Variants in SH3RF1 observed in about 807,000 individuals in gnomAD.
The protein encoded by SH3RF1 is SH3 domain containing ring finger 1.
SH3RF1 carries 32 observed loss-of-function variants against 74.0 expected under a neutral mutation model. The observed-to-expected ratio is 0.43, with a 90% CI of 0.33 to 0.58. The LOEUF (loss-of-function observed/expected upper bound fraction) is 0.58, where lower values mean the gene tolerates loss of function less well. Ranked by LOEUF, SH3RF1 falls within the 20% of genes least tolerant of loss-of-function variation. SH3RF1 has a pLI of 0.05. For synonymous variants in SH3RF1, 396 were observed against 439.6 expected, an observed-to-expected ratio of 0.90 and a Z score of 1.24; for missense variants, 954 against 1,130.9, an observed-to-expected ratio of 0.84 and a Z score of 2.24.
At chr4:169,230,705 A>T (rs1392449347) in intron 2 of SH3RF1, among the ~76,000 whole-genome samples, 1 of 152,048 alleles carries the variant, frequency 6.6e-6, no homozygotes, top group Non-Finnish European at 1.5e-5. Flanking sequence ...CTAAAAATAC[A>T]CAAATTAGCT....
At chr4:169,250,480 C>G (rs909609651) in intron 2 of SH3RF1, among the ~76,000 whole-genome samples, 3 of 152,172 alleles carry the variant, frequency 2.0e-5, no homozygotes, top group African/African-American at 4.8e-5. Flanking sequence ...AACAGTCATT[C>G]TCCTATTTGC....
chr4:169,131,642 A>C (rs535482241), intron 5 of SH3RF1, among the ~76,000 whole-genome samples: 1 of 152,340 alleles, frequency 6.6e-6, no homozygotes, highest in South Asian at 2.1e-4. Context: ...GAAAACCTTA[A>C]CTTTCCACGC....
chr4:169,175,866 G>A (rs181152487), intron 2 of SH3RF1, among the ~76,000 whole-genome samples: 3 of 152,292 alleles, frequency 2.0e-5, no homozygotes, highest in African/African-American at 7.2e-5. Flanking sequence ...TAACCAGTGC[G>A]AGAGTATTTG....
At chr4:169,114,483 C>T (rs1006809475) in intron 10 of SH3RF1, among the ~76,000 whole-genome samples, 1 of 152,044 alleles carries the variant, frequency 6.6e-6, no homozygotes, top group African/African-American at 2.4e-5. Flanking sequence ...TTAAAAGTTC[C>T]AGGGATCAGG....
At chr4:169,212,933 T>C (rs1730404709) in intron 2 of SH3RF1, among the ~76,000 whole-genome samples, 1 of 152,238 alleles carries the variant, frequency 6.6e-6, no homozygotes, top group Admixed American at 6.5e-5. Context: ...CAGAATGTAA[T>C]ATAGTTCAAA....
chr4:169,101,302 C>A (rs767671247), intron 11 of SH3RF1, among the ~76,000 whole-genome samples: 1 of 152,154 alleles, frequency 6.6e-6, no homozygotes, highest in Non-Finnish European at 1.5e-5. Flanking sequence ...AATTCTGACA[C>A]GTGCTACAAC....
intron 2 of SH3RF1, among the ~76,000 whole-genome samples, chr4:169,192,797 TATATATATATG>T (rs1262503484): frequency 7.7e-6 from 1 of 130,690 alleles, no homozygotes; most frequent in South Asian, 2.1e-4. Context: ...ATGTTTCTTT[TATATATATATG>T]ATATATATGT....
At chr4:169,120,169 T>G (rs1208003962) in intron 8 of SH3RF1, among the ~76,000 whole-genome samples, 1 of 152,208 alleles carries the variant, frequency 6.6e-6, no homozygotes, top group Non-Finnish European at 1.5e-5. Context: ...TTCTGGATAT[T>G]GTCAAATGTT....
intron 10 of SH3RF1, among the ~76,000 whole-genome samples, chr4:169,112,828 A>G (rs112475560): frequency 1.3e-5 from 2 of 152,248 alleles, no homozygotes; most frequent in South Asian, 2.1e-4. Context: ...AAGAAGAACA[A>G]GAAAGACACA....
At chr4:169,109,315 A>G (rs10029854) in intron 10 of SH3RF1, among the ~76,000 whole-genome samples, 2,345 of 152,350 alleles carry the variant, frequency 0.015, 68 homozygotes, top group African/African-American at 0.054. Context: ...ATATCAGATA[A>G]CTCAACGGCA....
intron 1 of SH3RF1, among the ~76,000 whole-genome samples, chr4:169,270,522 C>A (rs1731430561): frequency 6.6e-6 from 1 of 152,252 alleles, no homozygotes. Flanking sequence ...AAACTCAGCC[C>A]CACAGAGTGC....
chr4:169,157,852 C>T (rs936503451), intron 2 of SH3RF1, among the ~76,000 whole-genome samples: 21 of 151,828 alleles, frequency 1.4e-4, no homozygotes, highest in African/African-American at 3.4e-4. Flanking sequence ...GTGATTTTAA[C>T]GCTTCAGCCT....
At chr4:169,195,549 T>C (rs1327636522) in intron 2 of SH3RF1, among the ~76,000 whole-genome samples, 1 of 152,210 alleles carries the variant, frequency 6.6e-6, no homozygotes, top group African/African-American at 2.4e-5. Flanking sequence ...ACTTCTGAGA[T>C]TCCATTTACA....
intron 2 of SH3RF1, among the ~76,000 whole-genome samples, chr4:169,183,245 A>C (rs1394691762): frequency 6.6e-6 from 1 of 152,188 alleles, no homozygotes; most frequent in East Asian, 1.9e-4. Context: ...GGTTGCAAAG[A>C]GCCGAGATTG....
At chr4:169,121,819 T>C (rs1733439314) in intron 7 of SH3RF1, among the ~76,000 whole-genome samples, 1 of 152,240 alleles carries the variant, frequency 6.6e-6, no homozygotes, top group Non-Finnish European at 1.5e-5. Flanking sequence ...AGTATTCTTA[T>C]GCAAGAAATG....
intron 5 of SH3RF1, among the ~76,000 whole-genome samples, chr4:169,130,489 T>A (rs956017346): frequency 6.6e-6 from 1 of 152,206 alleles, no homozygotes; most frequent in African/African-American, 2.4e-5. Context: ...ATGGACAGCC[T>A]GGTGCTCAAC....
At chr4:169,097,765 T>C (rs1363299438) in intron 11 of SH3RF1, among the ~76,000 whole-genome samples, 2 of 152,108 alleles carry the variant, frequency 1.3e-5, no homozygotes, top group Non-Finnish European at 2.9e-5. Flanking sequence ...CAGGATGACC[T>C]GTGTGGCCAA....
chr4:169,179,698 G>A (rs924685371), intron 2 of SH3RF1, among the ~76,000 whole-genome samples: 2 of 152,276 alleles, frequency 1.3e-5, no homozygotes, highest in Middle Eastern at 6.8e-3. Flanking sequence ...ACAACACTGC[G>A]CAAACTTTGA....
chr4:169,233,015 G>A (rs1485526713), intron 2 of SH3RF1, among the ~76,000 whole-genome samples: 5 of 152,100 alleles, frequency 3.3e-5, no homozygotes, highest in African/African-American at 1.2e-4. Flanking sequence ...TTGGGAGGCC[G>A]AGGCAGGCAG....
Sources: gnomAD v4.1 joint callset for allele counts (sites outside exome capture counted in the v4.1 genomes callset) on GRCh38, gnomAD v4.1.1 for gene constraint, MANE v1.5 for transcripts, NCBI Gene and HGNC (gene_info 2026-07-23, HGNC 2026-07-21) for gene names.